Variants in CPNE2 observed in about 807,000 individuals in gnomAD.
CPNE2 encodes the protein copine 2, also known as copine-2.
CPNE2 carries 42 observed loss-of-function variants against 69.7 expected under a neutral mutation model. The ratio of observed to expected loss-of-function variants is 0.60; its 90% CI spans 0.47 to 0.78. The LOEUF is 0.78. CPNE2 is among the 30% of genes least tolerant of loss of function. The pLI is 0.00. For missense variants in CPNE2, 587 were observed against 732.0 expected, an observed-to-expected ratio of 0.80 and a Z score of 2.29; for synonymous variants, 294 against 289.8, an observed-to-expected ratio of 1.01 and a Z score of -0.15.
intron 3 of CPNE2, among the ~76,000 whole-genome samples, chr16:57,114,978 A>C (rs1597494776): frequency 7.0e-6 from 1 of 142,396 alleles, no homozygotes; most frequent in East Asian, 2.2e-4. Context: ...GTGGTGATGC[A>C]TGCCTGTAGT....
At chr16:57,098,159 C>T (rs2069590044) in intron 1 of CPNE2, among the ~76,000 whole-genome samples, 1 of 152,174 alleles carries the variant, frequency 6.6e-6, no homozygotes, top group Non-Finnish European at 1.5e-5. Context: ...GCGGGCACTA[C>T]AGAGAATGAC....
intron 13 of CPNE2, among the ~76,000 whole-genome samples, chr16:57,135,674 G>GT (rs2069873790): frequency 3.3e-5 from 5 of 151,606 alleles, no homozygotes; most frequent in Admixed American, 3.3e-4. Context: ...AGGAGTTCAA[G>GT]ACCAGCCTGG....
chr16:57,132,175 A>G (rs1325281853), intron 12 of CPNE2, among the ~76,000 whole-genome samples: 2 of 152,200 alleles, frequency 1.3e-5, no homozygotes, highest in African/African-American at 2.4e-5. Context: ...GCACGTGACC[A>G]GGCTGCCTGC....
Position 57,115,515 on chromosome 16 carries a change from C to A in CPNE2, c.400C>A (p.Leu134Met). 6.2e-7 allele frequency: 1 copy of A among 1,612,862 alleles called. No individual in the cohort carries two copies. The highest frequency in any genetic ancestry group is 8.5e-7 in the Non-Finnish European group (1 of 1,179,356). ...SKKITRPLLL[L>M]NDKPAGKGLI... ...GAAGATCACTAGGCCTCTGCTGCTG[C>A]TGAATGACAAGCCTGCGGGGAAGGG... is the stretch of plus-strand genomic sequence containing the variant. The change falls in exon 4 of 16, where the codon CTG becomes ATG. Residue 134 changes from leucine to methionine, a missense_variant. Coordinates refer to ENST00000290776, the MANE Select transcript of CPNE2 (RefSeq NM_152727.6).
intron 14 of CPNE2, 76 bp downstream of exon 14, chr16:57,137,358 T>C: frequency 6.5e-7 from 1 of 1,547,400 alleles, no homozygotes; most frequent in Non-Finnish European, 8.8e-7. Context: ...ATATTCTGCC[T>C]TCTCTTTGCT....
At chr16:57,115,427 G>A (rs1183752687) in intron 3 of CPNE2, 49 bp from the exon 4 acceptor site, 7 of 1,471,192 alleles carry the variant, frequency 4.8e-6, no homozygotes, top group Admixed American at 1.8e-5. Flanking sequence ...TTTCCTTCCC[G>A]GGCTTCCCCC....
chr16:57,129,970 C>T (rs916761222), intron 12 of CPNE2, among the ~76,000 whole-genome samples: 4 of 152,096 alleles, frequency 2.6e-5, no homozygotes, highest in Admixed American at 2.0e-4. Context: ...CCACATGAGG[C>T]GGGGTGCAGT....
chr16:57,133,122 C>T (rs1240006729), intron 12 of CPNE2, among the ~76,000 whole-genome samples: 2 of 152,148 alleles, frequency 1.3e-5, no homozygotes, highest in African/African-American at 4.8e-5. Context: ...ACAAGCCCCC[C>T]TCGTAATCTC....
At chr16:57,125,770 A>G (rs1464922363) in intron 10 of CPNE2, 90 bp from the exon 11 acceptor site, 15 of 1,520,698 alleles carry the variant, frequency 9.9e-6, no homozygotes, top group East Asian at 2.3e-5. Flanking sequence ...TGGGCTTCCC[A>G]TGTCCCATCT....
intron 5 of CPNE2, 70 bp from the exon 6 acceptor site, chr16:57,119,125 G>A: frequency 1.4e-6 from 2 of 1,390,832 alleles, no homozygotes; most frequent in South Asian, 2.4e-5. Flanking sequence ...AGGCAGCAGG[G>A]CCACACCCCC....
At chr16:57,136,096 A>G (rs1209074952) in intron 13 of CPNE2, among the ~76,000 whole-genome samples, 1 of 150,894 alleles carries the variant, frequency 6.6e-6, no homozygotes, top group African/African-American at 2.4e-5. Context: ...GGGATGGAGG[A>G]AGGGAGGAAG....
chr16:57,097,392 A>C (rs976278741), intron 1 of CPNE2, among the ~76,000 whole-genome samples: 2 of 152,168 alleles, frequency 1.3e-5, no homozygotes, highest in Non-Finnish European at 2.9e-5. Flanking sequence ...TTGAACAACC[A>C]AATGGATGGC....
intron 10 of CPNE2, chr16:57,124,553 G>A: frequency 3.0e-6 from 1 of 331,098 alleles, no homozygotes; most frequent in Non-Finnish European, 6.2e-6. Context: ...GCACATAGCA[G>A]GTGCTCCATC....
chr16:57,125,968 G>T lies in CPNE2; in HGVS notation c.1036G>T (p.Gly346Trp). The T allele has an allele frequency of 6.2e-7, 1 of 1,614,158 alleles. No homozygotes were observed. The highest frequency in any genetic ancestry group is 8.5e-7 in the Non-Finnish European group (1 of 1,180,042). ...ATATCTGTCGGCCATCTGGGCTGTT[G>T]GGCAGATCATTCAGGACTACGACAG... ...NEYLSAIWAVGQIIQDYDSDK... is the reference protein window; with the variant it reads ...NEYLSAIWAVWQIIQDYDSDK... Residue 346 changes from glycine to tryptophan, a missense_variant, in exon 11 of 16, where the codon GGG becomes TGG. Physicochemically the swap from Gly to Trp is radical, Grantham distance 184 (BLOSUM62 -2). Coordinates refer to ENST00000290776, the MANE Select transcript of CPNE2 (RefSeq NM_152727.6).
At chr16:57,122,023 C>T (rs559632489) in intron 9 of CPNE2, among the ~76,000 whole-genome samples, 3 of 152,378 alleles carry the variant, frequency 2.0e-5, no homozygotes, top group South Asian at 4.1e-4. Context: ...CACGAGCTGA[C>T]CTTCCAGGGC....
intron 1 of CPNE2, among the ~76,000 whole-genome samples, chr16:57,100,859 C>T (rs1302934395): frequency 6.6e-6 from 1 of 152,212 alleles, no homozygotes; most frequent in African/African-American, 2.4e-5. Context: ...GAAGGGCTAG[C>T]CCAGAGCTCC....
rs763298103 is a variant in CPNE2 at position 57,117,485 on chromosome 16, C to T, written c.436-11C>T. 2.4e-5 allele frequency: 38 copies of T among 1,612,128 alleles called. No individual in the cohort carries two copies. The East Asian group carries it at 3.8e-4, about 16-fold the overall frequency. ...GGAGTCTGAGGAGCCCCTCATGTCC[C>T]GGCCTTACAGATCGCTGCCCAGGAG... On this transcript the variant is annotated splice_polypyrimidine_tract_variant and intron_variant, in intron 4 of 15. Coordinates refer to ENST00000290776, the MANE Select transcript of CPNE2 (RefSeq NM_152727.6).
At chr16:57,105,914 A>G (rs960894864) in intron 1 of CPNE2, 2 of 152,186 alleles carry the variant, frequency 1.3e-5, no homozygotes, top group Non-Finnish European at 2.9e-5. Context: ...AGGTGTTTCC[A>G]TCGTGCCCAG....
intron 1 of CPNE2, chr16:57,106,200 C>T (rs2069647355): frequency 6.5e-6 from 1 of 152,716 alleles, no homozygotes. Flanking sequence ...GAGGACCTGC[C>T]CCTGGCTCGG....
Sources: allele counts gnomAD v4.1 joint callset (sites outside exome capture counted in the v4.1 genomes callset), GRCh38; gene constraint gnomAD v4.1.1; transcripts MANE v1.5; gene names NCBI Gene and HGNC (gene_info 2026-07-23, HGNC 2026-07-21).